The following LHFPL3 variants were observed in gnomAD, a reference collection of about 807,000 sequenced individuals.
LHFPL3 encodes the protein LHFPL tetraspan subfamily member 3 protein.
Under a neutral mutation model 19.3 loss-of-function variants are expected in LHFPL3, and 5 were observed. The observed-to-expected ratio is 0.26, with a 90% CI of 0.14 to 0.54. The LOEUF (loss-of-function observed/expected upper bound fraction) is 0.54. Among genes scored for constraint, LHFPL3 ranks in the 20% least tolerant of loss-of-function variants. LHFPL3 has a pLI of 0.94. For synonymous variants in LHFPL3, 133 were observed against 126.2 expected (o/e 1.05, Z -0.36); for missense variants, 249 against 307.4 (o/e 0.81, Z 1.42).
At chr7:104,683,775 C>T (rs1478201599) in intron 1 of LHFPL3, among the ~76,000 whole-genome samples, 3 of 152,220 alleles carry the variant, frequency 2.0e-5, no homozygotes, top group Non-Finnish European at 4.4e-5. Context: ...CAAAATTCGA[C>T]ATTCCTATAA....
intron 1 of LHFPL3, among the ~76,000 whole-genome samples, chr7:104,436,165 T>C (rs1426311470): frequency 6.6e-6 from 1 of 152,218 alleles, no homozygotes; most frequent in Non-Finnish European, 1.5e-5. Context: ...TGGAGATACA[T>C]GGTTAAATAT....
intron 1 of LHFPL3, among the ~76,000 whole-genome samples, chr7:104,696,558 G>C (rs903185033): frequency 2.0e-5 from 3 of 152,044 alleles, no homozygotes; most frequent in Non-Finnish European, 2.9e-5. Flanking sequence ...CTTAGCTAAG[G>C]GGGTGAGAAG....
At chr7:104,385,132 G>T (rs972540882) in intron 1 of LHFPL3, among the ~76,000 whole-genome samples, 1 of 152,030 alleles carries the variant, frequency 6.6e-6, no homozygotes, top group Non-Finnish European at 1.5e-5. Flanking sequence ...TATATCTAGG[G>T]TCCTAAATCA....
At chr7:104,611,002 G>A (rs562157257) in intron 1 of LHFPL3, among the ~76,000 whole-genome samples, 4 of 152,278 alleles carry the variant, frequency 2.6e-5, no homozygotes, top group African/African-American at 9.6e-5. Context: ...CTCCTATGAA[G>A]CAATGAGATG....
intron 1 of LHFPL3, among the ~76,000 whole-genome samples, chr7:104,720,773 A>C: frequency 6.6e-6 from 1 of 152,252 alleles, no homozygotes; most frequent in South Asian, 2.1e-4. Context: ...TGCAGCCAAC[A>C]GACACATGAA....
intron 2 of LHFPL3, among the ~76,000 whole-genome samples, chr7:104,749,141 A>G (rs1794107009): frequency 6.6e-6 from 1 of 152,330 alleles, no homozygotes; most frequent in East Asian, 1.9e-4. Flanking sequence ...GTCTTTTCTT[A>G]TTTCTATTTT....
intron 1 of LHFPL3, among the ~76,000 whole-genome samples, chr7:104,592,797 G>A (rs940483898): frequency 2.6e-5 from 4 of 152,252 alleles, no homozygotes; most frequent in African/African-American, 7.2e-5. Flanking sequence ...TCAAGCCTCA[G>A]CAATGGTGGA....
intron 2 of LHFPL3, among the ~76,000 whole-genome samples, chr7:104,783,030 T>G (rs1266831835): frequency 6.6e-6 from 1 of 152,230 alleles, no homozygotes; most frequent in Non-Finnish European, 1.5e-5. Context: ...CTCAAATCAC[T>G]TGTGCAATCC....
intron 1 of LHFPL3, 111 bp downstream of exon 1, chr7:104,329,335 C>A: frequency 7.2e-7 from 1 of 1,387,210 alleles, no homozygotes; most frequent in African/African-American, 1.4e-5. Context: ...GCCAAGCCGC[C>A]TAATCCGCTC....
Position 104,907,512 on chromosome 7 carries a change from A to C in LHFPL3, c.*1297A>C, listed in dbSNP as rs1200167627. On this transcript the variant is annotated 3_prime_UTR_variant, in exon 3 of 3. Transcript: ENST00000424859. ...CCAGGCTTCCCCCATCATCACCCTC[A>C]CCACATATCCTGCTAATATCCAACA... 6.6e-6 allele frequency among the ~76,000 whole-genome samples: 1 copy of C among 152,120 alleles called. No individual in the cohort carries two copies. The highest frequency in any genetic ancestry group is 1.5e-5 in the Non-Finnish European group (1 of 68,010).
At chr7:104,807,718 A>C (rs1459458680) in intron 2 of LHFPL3, among the ~76,000 whole-genome samples, 1 of 152,224 alleles carries the variant, frequency 6.6e-6, no homozygotes, top group Non-Finnish European at 1.5e-5. Flanking sequence ...AAGAGAATGA[A>C]TTAACTGAGT....
At chr7:104,460,499 C>T (rs1053024777) in intron 1 of LHFPL3, among the ~76,000 whole-genome samples, 2 of 152,150 alleles carry the variant, frequency 1.3e-5, no homozygotes, top group Non-Finnish European at 2.9e-5. Flanking sequence ...TCTCCACAAC[C>T]TCACTAGCAT....
intron 1 of LHFPL3, among the ~76,000 whole-genome samples, chr7:104,422,250 A>G (rs1476022452): frequency 6.6e-6 from 1 of 152,138 alleles, no homozygotes; most frequent in African/African-American, 2.4e-5. Context: ...AGTCCCAGCT[A>G]TTTGCGAGGC....
intron 1 of LHFPL3, among the ~76,000 whole-genome samples, chr7:104,697,772 G>GA (rs1183986447): frequency 6.6e-6 from 1 of 152,092 alleles, no homozygotes; most frequent in Non-Finnish European, 1.5e-5. Flanking sequence ...GTATAAGGGG[G>GA]AAAAAACAGC....
chr7:104,716,081 G>T (rs1354754761), intron 1 of LHFPL3, among the ~76,000 whole-genome samples: 1 of 152,126 alleles, frequency 6.6e-6, no homozygotes, highest in East Asian at 1.9e-4. Context: ...AGGCACGCTG[G>T]CTCATGCCTG....
At chr7:104,329,274 G>A (rs749166639) in intron 1 of LHFPL3, 50 bp downstream of exon 1, 1 of 1,542,844 alleles carries the variant, frequency 6.5e-7, no homozygotes, top group South Asian at 1.3e-5. Context: ...GGGCGCCCGA[G>A]CCGGGGAGGG....
intron 1 of LHFPL3, among the ~76,000 whole-genome samples, chr7:104,464,811 G>C (rs528101766): frequency 2.0e-5 from 3 of 152,254 alleles, no homozygotes; most frequent in East Asian, 3.9e-4. Context: ...AGGGGCTGCT[G>C]TGAAGATCTC....
intron 2 of LHFPL3, chr7:104,796,889 G>T (rs896626475): frequency 6.5e-5 from 10 of 152,750 alleles, no homozygotes; most frequent in African/African-American, 2.4e-4. Flanking sequence ...TCAGAAAGTG[G>T]ATGCCTATGC....
At chr7:104,862,667 C>A (rs1382558168) in intron 2 of LHFPL3, among the ~76,000 whole-genome samples, 1 of 152,060 alleles carries the variant, frequency 6.6e-6, no homozygotes, top group Non-Finnish European at 1.5e-5. Flanking sequence ...GGTACCAGAT[C>A]CAGCTACCCC....
Sources: gnomAD v4.1 joint callset for allele counts (sites outside exome capture counted in the v4.1 genomes callset) on GRCh38, gnomAD v4.1.1 for gene constraint, MANE v1.5 for transcripts, NCBI Gene and HGNC (gene_info 2026-07-23, HGNC 2026-07-21) for gene names.